Variants in ZNF138 observed in about 807,000 individuals in gnomAD.
The protein encoded by ZNF138 is zinc finger protein 138 (clone pHZ-32).
A neutral mutation model predicts 33.0 loss-of-function variants in ZNF138; 33 were observed. That is an observed-to-expected ratio of 1.00 (90% confidence interval 0.76 to 1.34). ZNF138 has a LOEUF of 1.34. Ranked by LOEUF, ZNF138 falls within the 40% of genes most tolerant of loss-of-function variation. The probability of loss-of-function intolerance (pLI) is 0.00; values close to 1 mark genes in which losing one functional copy is unlikely to be tolerated. For synonymous variants in ZNF138, 139 were observed against 120.4 expected (o/e 1.15, Z -1.01); for missense variants, 360 against 370.8 (o/e 0.97, Z 0.24).
intron 1 of ZNF138, among the ~76,000 whole-genome samples, chr7:64,799,803 C>T (rs903743287): frequency 6.6e-6 from 1 of 152,086 alleles, no homozygotes; most frequent in Non-Finnish European, 1.5e-5. Context: ...GCCACCACGC[C>T]TGGCTAATTT....
the ZNF138 span, among the ~76,000 whole-genome samples, chr7:64,846,715 G>T: frequency 6.6e-6 from 1 of 152,150 alleles, no homozygotes; most frequent in Non-Finnish European, 1.5e-5. Flanking sequence ...AAAAAATACA[G>T]TTTGAGCTCT....
At chr7:64,829,724 G>A (rs1383995954) in intron 3 of ZNF138, among the ~76,000 whole-genome samples, 1 of 151,200 alleles carries the variant, frequency 6.6e-6, no homozygotes, top group Admixed American at 6.6e-5. Context: ...TCACATTTTA[G>A]AGAATAATTA....
chr7:64,840,032 T>C, the ZNF138 span, among the ~76,000 whole-genome samples: 1 of 151,826 alleles, frequency 6.6e-6, no homozygotes, highest in Non-Finnish European at 1.5e-5. Context: ...CTTCTGAGTG[T>C]GACACGTCCT....
chr7:64,827,811 A>C (rs1369899236), intron 3 of ZNF138, among the ~76,000 whole-genome samples: 1 of 151,992 alleles, frequency 6.6e-6, no homozygotes, highest in Non-Finnish European at 1.5e-5. Context: ...TTCTTCTGCA[A>C]TTTTATACCT....
rs956150754 is a variant in ZNF138, at chr7:64,832,316, C to T, written c.*114C>T. ...TTATTACACATAAGATAATTCATAGCGGAGAGAAACCCCACAAATGTGAAG... is the reference window on the plus strand; with the variant it reads ...TTATTACACATAAGATAATTCATAGTGGAGAGAAACCCCACAAATGTGAAG... On this transcript the variant is annotated 3_prime_UTR_variant, in exon 4 of 4. Transcript: ENST00000307355. 6.4e-6 allele frequency: 10 copies of T among 1,573,066 alleles called. No homozygotes were observed. The East Asian group carries it at 6.8e-5, about 11-fold the overall frequency.
the ZNF138 span, among the ~76,000 whole-genome samples, chr7:64,841,381 C>T: frequency 3.4e-4 from 51 of 152,206 alleles, 1 homozygote; most frequent in South Asian, 0.01. Context: ...CGGGATGCTT[C>T]ATAAGTCATG....
At chr7:64,835,726 C>T (rs953184331), downstream of ZNF138, 2 of 152,238 alleles carry the variant, frequency 1.3e-5, no homozygotes, top group Admixed American at 1.3e-4. Flanking sequence ...AGTGATCTGT[C>T]GCTGTAGGGA....
the ZNF138 span, chr7:64,853,432 C>T: frequency 2.7e-6 from 2 of 753,684 alleles, no homozygotes; most frequent in East Asian, 5.0e-5. Flanking sequence ...TATGGATCCA[C>T]CGGCTCGCTT....
At chr7:64,849,563 G>A in the ZNF138 span, among the ~76,000 whole-genome samples, 4 of 152,182 alleles carry the variant, frequency 2.6e-5, no homozygotes, top group Middle Eastern at 3.4e-3. Context: ...AGATCATGTG[G>A]GGACATGGGT....
Position 64,831,889 on chromosome 7 carries a change from T to C in ZNF138, c.647T>C (p.Ile216Thr). ...WSTNLSKPKKIHTGEKPYKCE... is the reference protein window; with the variant it reads ...WSTNLSKPKKTHTGEKPYKCE... The stretch of plus-strand genomic sequence containing the variant: ...ACAAACCTTTCTAAACCTAAGAAAA[T>C]TCATACTGGAGAAAAACCCTACAAA... Residue 216 changes from isoleucine to threonine, a missense_variant, in exon 4 of 4, where the codon ATT becomes ACT. Transcript: ENST00000307355. 2 of 1,613,850 alleles carry C rather than the reference T, an allele frequency of 1.2e-6. No homozygotes were observed. Among genetic ancestry groups the C allele is most frequent in the Non-Finnish European group, 1.7e-6 (2 of 1,179,886 alleles).
intron 1 of ZNF138, among the ~76,000 whole-genome samples, chr7:64,802,101 A>T (rs1165837876): frequency 6.6e-6 from 1 of 152,230 alleles, no homozygotes; most frequent in Non-Finnish European, 1.5e-5. Context: ...TCAATGAAAT[A>T]CATTTAAGAA....
chr7:64,840,075 A>T, the ZNF138 span, among the ~76,000 whole-genome samples: 1 of 152,096 alleles, frequency 6.6e-6, no homozygotes, highest in African/African-American at 2.4e-5. Context: ...GGTGGTGGGA[A>T]CAGGAAAGGT....
chr7:64,839,679 C>G, the ZNF138 span, among the ~76,000 whole-genome samples: 3 of 152,108 alleles, frequency 2.0e-5, no homozygotes, highest in African/African-American at 7.2e-5. Flanking sequence ...GGCAAGTAAC[C>G]GGACGAAATG....
At chr7:64,804,753 C>G (rs1244562698) in intron 1 of ZNF138, among the ~76,000 whole-genome samples, 5 of 152,148 alleles carry the variant, frequency 3.3e-5, no homozygotes, top group Non-Finnish European at 5.9e-5. Context: ...TGCACTCCAG[C>G]CTGGGTGACA....
At chr7:64,858,412 G>A in the ZNF138 span, among the ~76,000 whole-genome samples, 1 of 151,058 alleles carries the variant, frequency 6.6e-6, no homozygotes, top group African/African-American at 2.5e-5. Flanking sequence ...TCATGGGGAA[G>A]TCTTTTTATC....
intron 3 of ZNF138, among the ~76,000 whole-genome samples, chr7:64,818,361 G>A (rs916045566): frequency 1.3e-5 from 2 of 152,162 alleles, no homozygotes; most frequent in Non-Finnish European, 1.5e-5. Flanking sequence ...ATTTAGCAAT[G>A]TAAGGGTGTT....
At chr7:64,858,608 A>G in the ZNF138 span, among the ~76,000 whole-genome samples, 1 of 152,208 alleles carries the variant, frequency 6.6e-6, no homozygotes, top group Non-Finnish European at 1.5e-5. Context: ...TTAAGGTAAT[A>G]GATGTAGGGA....
At position 64,833,104 on chromosome 7, in the gene ZNF138, G is replaced by A. The variant is rs539837407; in HGVS notation, c.*902G>A. ...AAACCTTGGAAATTCAAAGAATGTG[G>A]TAAAACTTACAATCCTCAAAACTTC... On this transcript the variant is annotated 3_prime_UTR_variant, in exon 4 of 4. Coordinates refer to ENST00000307355, the MANE Select transcript of ZNF138 (RefSeq NM_001271639.2). 3 of 283,090 alleles carry A rather than the reference G, an allele frequency of 1.1e-5. No homozygotes were observed. The highest frequency in any genetic ancestry group is 3.7e-5 in the South Asian group (1 of 27,386). The allele number at this position is 283,090 out of a possible 1,614,324, so 17.5% of individuals were successfully genotyped here.
intron 3 of ZNF138, among the ~76,000 whole-genome samples, chr7:64,823,037 C>T (rs1215927179): frequency 6.6e-5 from 10 of 151,392 alleles, no homozygotes; most frequent in Admixed American, 3.3e-4. Flanking sequence ...TGCACCACCA[C>T]GCCCGTCTAA....
Sources: allele counts gnomAD v4.1 joint callset (sites outside exome capture counted in the v4.1 genomes callset), GRCh38; gene constraint gnomAD v4.1.1; transcripts MANE v1.5; gene names NCBI Gene and HGNC (gene_info 2026-07-23, HGNC 2026-07-21).